Variants in HSD17B14 observed in about 807,000 individuals in gnomAD.
HSD17B14 encodes hydroxysteroid 17-beta dehydrogenase 14.
In HSD17B14, 32 loss-of-function variants were observed where a neutral mutation model predicts 32.2. The ratio of observed to expected loss-of-function variants is 0.99; its 90% CI spans 0.75 to 1.33. The LOEUF (loss-of-function observed/expected upper bound fraction) is 1.33, where lower values mean the gene tolerates loss of function less well. HSD17B14 is among the 40% of genes most tolerant of loss of function. The probability of loss-of-function intolerance (pLI) is 0.00; values close to 1 mark genes in which losing one functional copy is unlikely to be tolerated. For missense variants in HSD17B14, 370 were observed against 366.5 expected, an observed-to-expected ratio of 1.01 and a Z score of -0.08; for synonymous variants, 140 against 155.4, an observed-to-expected ratio of 0.90 and a Z score of 0.74.
rs772717377 is a variant in HSD17B14 at position 48,836,324 on chromosome 19, C to A, written c.88G>T (p.Val30Leu). 6.2e-7 allele frequency: 1 copy of A among 1,613,796 alleles called. No individual in the cohort carries two copies. The highest frequency in any genetic ancestry group is 1.3e-5 in the African/African-American group (1 of 74,998). The change falls in exon 1 of 9, where the codon GTG (valine) becomes TTG (leucine). Residue 30 changes from valine to leucine, a missense_variant and splice_region_variant. Coordinates refer to ENST00000263278, the MANE Select transcript of HSD17B14 (RefSeq NM_016246.3). ...CTCCCAGCAGTCAGACCCGGCTCAC[C>A]GAAGGCGCGCACGATCCCAGCTCCG... is the stretch of plus-strand genomic sequence containing the variant. ...GIGAGIVRAF[V>L]NSGARVVICD...
At chr19:48,818,654 G>A (rs8110610) in intron 5 of HSD17B14, among the ~76,000 whole-genome samples, 21,544 of 152,144 alleles carry the variant, frequency 0.14, 2,041 homozygotes, top group Non-Finnish European at 0.21. Context: ...CACTCCCTGA[G>A]TGTCCTTCTC....
At chr19:48,826,525 G>GAAGAAAAAAAAAA (rs1555776978) in intron 5 of HSD17B14, among the ~76,000 whole-genome samples, 4 of 5,158 alleles carry the variant, frequency 7.8e-4, no homozygotes, top group African/African-American at 1.1e-3. Flanking sequence ...AAGAAAAGAA[G>GAAGAAAAAAAAAA]AAAATATATA....
intron 5 of HSD17B14, among the ~76,000 whole-genome samples, chr19:48,826,250 T>C (rs1056217583): frequency 6.6e-6 from 1 of 151,590 alleles, no homozygotes; most frequent in Non-Finnish European, 1.5e-5. Context: ...CCGAGCACTT[T>C]GGGTGGCCGA....
Position 48,815,147 on chromosome 19 carries a change from G to C in HSD17B14, c.370-6C>G. ...CGCAGGTAGGGGAGGGCGAGCTAGG[G>C]AGACAAGAGGCCAAGTAAGCTACAC... On this transcript the variant is annotated splice_region_variant and splice_polypyrimidine_tract_variant and intron_variant, in intron 5 of 8. Coordinates refer to ENST00000263278, the MANE Select transcript of HSD17B14 (RefSeq NM_016246.3). 1 of 1,608,634 alleles carries C rather than the reference G, an allele frequency of 6.2e-7. No individual in the cohort carries two copies. The highest frequency in any genetic ancestry group is 8.5e-7 in the Non-Finnish European group (1 of 1,175,190).
At chr19:48,831,824 A>T (rs1252135351) in intron 4 of HSD17B14, 65 bp from the exon 5 acceptor site, 2 of 936,642 alleles carry the variant, frequency 2.1e-6, no homozygotes, top group African/African-American at 3.2e-5. Context: ...CCACGCCTGT[A>T]ATCCCAGCAC....
intron 5 of HSD17B14, among the ~76,000 whole-genome samples, chr19:48,824,320 C>T (rs902801366): frequency 3.1e-5 from 4 of 127,332 alleles, no homozygotes; most frequent in East Asian, 2.1e-4. Flanking sequence ...CCCAGCTACT[C>T]GGCGGGCTGA....
chr19:48,827,134 C>T (rs2035264484), intron 5 of HSD17B14, among the ~76,000 whole-genome samples: 1 of 151,720 alleles, frequency 6.6e-6, no homozygotes, highest in African/African-American at 2.4e-5. Flanking sequence ...CCTCTGCCTC[C>T]TGGGTTCATG....
rs1275536166 is a variant in HSD17B14 at position 48,834,525 on chromosome 19, G to A, written c.128-167C>T. Among the ~76,000 whole-genome samples, 4 of 95,218 alleles carry A rather than the reference G, an allele frequency of 4.2e-5. 1 individual carries two copies. The East Asian group carries it at 9.5e-4, about 23-fold the overall frequency. The allele number at this position is 95,218 out of a possible 152,430, so 62.5% of individuals were successfully genotyped here. A position where few individuals can be genotyped will look rare whatever the true frequency, so the allele number is the denominator to read the frequency against. The stretch of plus-strand genomic sequence containing the variant: ...TCCTGGGTCTGAGGAAGTAGGGCCT[G>A]GGGGCCTGGACTCCTGGGTCTGAGG... On this transcript the variant is annotated intron_variant, in intron 2 of 8. Coordinates refer to ENST00000263278, the MANE Select transcript of HSD17B14 (RefSeq NM_016246.3).
At chr19:48,834,453 G>GCA in intron 2 of HSD17B14, 95 bp from the exon 3 acceptor site, 1 of 649,872 alleles carries the variant, frequency 1.5e-6, no homozygotes, top group South Asian at 1.9e-5. Flanking sequence ...GGAGGTGCTG[G>GCA]GGGCCTGGAC....
intron 2 of HSD17B14, among the ~76,000 whole-genome samples, chr19:48,835,595 GA>G (rs1457787812): frequency 7.0e-6 from 1 of 141,986 alleles, no homozygotes; most frequent in South Asian, 2.2e-4. Context: ...AGGGGCTGGG[GA>G]CCTGGACTCC....
In HSD17B14 at chr19:48,824,637, G is replaced by A. The variant is rs113831528; in HGVS notation, c.369+7031C>T. Among the ~76,000 whole-genome samples, 674 of 151,582 alleles carry A rather than the reference G, an allele frequency of 4.4e-3. 6 individuals carry two copies. Among genetic ancestry groups the A allele is most frequent in the African/African-American group, 0.015 (603 of 41,378 alleles). ...AAAAATTAGCCCGGTGTAGTGGTGCGTGCCTGTAATCCCAGCTACTCGGGA... is the reference window on the plus strand; with the variant it reads ...AAAAATTAGCCCGGTGTAGTGGTGCATGCCTGTAATCCCAGCTACTCGGGA... On this transcript the variant is annotated intron_variant, in intron 5 of 8. Coordinates refer to ENST00000263278, the MANE Select transcript of HSD17B14 (RefSeq NM_016246.3).
chr19:48,826,774 C>T (rs922825567), intron 5 of HSD17B14, among the ~76,000 whole-genome samples: 1 of 151,726 alleles, frequency 6.6e-6, no homozygotes, highest in Non-Finnish European at 1.5e-5. Context: ...CTGAAGCTCC[C>T]TGGACACTGG....
At chr19:48,834,743 G>T (rs1364713743) in intron 2 of HSD17B14, among the ~76,000 whole-genome samples, 1 of 109,286 alleles carries the variant, frequency 9.2e-6, no homozygotes, top group Non-Finnish European at 1.8e-5. Flanking sequence ...AGGGAGGAGG[G>T]GCTGGGAGCC....
At chr19:48,816,458 C>T (rs1191364759) in intron 5 of HSD17B14, among the ~76,000 whole-genome samples, 3 of 152,164 alleles carry the variant, frequency 2.0e-5, no homozygotes, top group Admixed American at 6.6e-5. Flanking sequence ...GTGCCTTTTC[C>T]TAAGAGAGCC....
In HSD17B14 at chr19:48,813,559, G is replaced by T. The variant is rs370704792; in HGVS notation, c.543-7C>A. The T allele has an allele frequency of 1.2e-6, 2 of 1,613,794 alleles. No individual in the cohort carries two copies. Among genetic ancestry groups the T allele is most frequent in the Admixed American group, 3.3e-5 (2 of 60,010 alleles). ...GATGTTTCCTGGGGAGATACTAGAG[G>T]AAGGGAGAGGGGGGATCAAAGCAAT... On this transcript the variant is annotated splice_region_variant and splice_polypyrimidine_tract_variant and intron_variant, in intron 7 of 8. Coordinates refer to ENST00000263278, the MANE Select transcript of HSD17B14 (RefSeq NM_016246.3).
chr19:48,820,493 C>T (rs1035427371), intron 5 of HSD17B14, among the ~76,000 whole-genome samples: 17 of 151,046 alleles, frequency 1.1e-4, no homozygotes, highest in Non-Finnish European at 2.2e-4. Flanking sequence ...TGTTGCCTGG[C>T]TTGGTCAGTA....
intron 2 of HSD17B14, among the ~76,000 whole-genome samples, chr19:48,835,297 A>T (rs865793369): frequency 2.1e-4 from 3 of 14,306 alleles, no homozygotes; most frequent in African/African-American, 6.9e-4. Context: ...GGAGGAGGGG[A>T]TGGGGGCCTG....
intron 1 of HSD17B14, 102 bp downstream of exon 1, chr19:48,836,222 T>C (rs1479966263): frequency 1.7e-6 from 2 of 1,190,214 alleles, no homozygotes; most frequent in Non-Finnish European, 2.4e-6. Flanking sequence ...AATATCAGAA[T>C]CCTGGCTGCA....
At chr19:48,826,528 A>AATATATATATATATAT (rs1555776984) in intron 5 of HSD17B14, among the ~76,000 whole-genome samples, 751 of 22,976 alleles carry the variant, frequency 0.033, 30 homozygotes, top group Middle Eastern at 0.038. Context: ...AAAAGAAGAA[A>AATATATATATATATAT]ATATATATAT....
Sources: allele counts gnomAD v4.1 joint callset (sites outside exome capture counted in the v4.1 genomes callset), GRCh38; gene constraint gnomAD v4.1.1; transcripts MANE v1.5; gene names NCBI Gene and HGNC (gene_info 2026-07-23, HGNC 2026-07-21).